The following MYZAP variants were observed in gnomAD, a reference collection of about 807,000 sequenced individuals.
MYZAP encodes the protein GRINL1A complex locus upstream.
Under a neutral mutation model 69.4 loss-of-function variants are expected in MYZAP, and 66 were observed. The ratio of observed to expected loss-of-function variants is 0.95; its 90% CI spans 0.78 to 1.17. The LOEUF is 1.17. MYZAP is among the 50% of genes most tolerant of loss of function. The probability of loss-of-function intolerance (pLI) is 0.00; values close to 1 mark genes in which losing one functional copy is unlikely to be tolerated. For synonymous variants in MYZAP, 256 were observed against 205.9 expected (o/e 1.24, Z -2.09); for missense variants, 611 against 556.2 (o/e 1.10, Z -0.99).
At position 57,683,582 on chromosome 15, in the gene MYZAP, G is replaced by A. The variant is rs970389842; in HGVS notation, c.1305-820G>A. 3.9e-5 allele frequency among the ~76,000 whole-genome samples: 6 copies of A among 151,976 alleles called. No homozygotes were observed. In the East Asian group the frequency reaches 7.7e-4, roughly 20 times the overall value. On this transcript the variant is annotated intron_variant, in intron 12 of 12. Transcript: ENST00000267853. ...ATAACTTTTTTATTTTTAACCTGTC[G>A]TAGTCTGTTCTGGCTGCCATAACAA...
intron 10 of MYZAP, among the ~76,000 whole-genome samples, chr15:57,655,766 C>T (rs2037981891): frequency 6.6e-6 from 1 of 152,188 alleles, no homozygotes; most frequent in African/African-American, 2.4e-5. Context: ...GAAACATACT[C>T]ATCAAAAGAA....
chr15:57,621,195 C>G (rs1215892707), intron 3 of MYZAP, among the ~76,000 whole-genome samples: 2 of 132,946 alleles, frequency 1.5e-5, no homozygotes, highest in Non-Finnish European at 3.2e-5. Flanking sequence ...TGGGGTCCTT[C>G]TTTCTTTTTC....
intron 2 of MYZAP, among the ~76,000 whole-genome samples, chr15:57,606,092 A>G (rs2034729746): frequency 6.6e-6 from 1 of 152,190 alleles, no homozygotes; most frequent in Non-Finnish European, 1.5e-5. Context: ...TCATCAATAG[A>G]TGCAAAAATA....
rs144667495 is a variant in MYZAP, at chr15:57,633,731, G to T, written c.923G>T (p.Arg308Leu). ...RIGELDRLIE[R>L]MEKERHQLQL... ...GGGGAGCTGGACAGGCTGATTGAGCGCATGGAAAAGGTAGGACACAGCGTT... is the reference window on the plus strand; with the variant it reads ...GGGGAGCTGGACAGGCTGATTGAGCTCATGGAAAAGGTAGGACACAGCGTT... Residue 308 changes from arginine (R) to leucine (L), a missense_variant, in exon 8 of 13, where the codon CGC becomes CTC. By Grantham distance (102) the Arg-to-Leu change is moderately radical. Transcript: ENST00000267853. 2 of 1,606,302 alleles carry T rather than the reference G, an allele frequency of 1.2e-6. No individual in the cohort carries two copies. Among genetic ancestry groups the T allele is most frequent in the Non-Finnish European group, 1.7e-6 (2 of 1,176,388 alleles).
intron 11 of MYZAP, among the ~76,000 whole-genome samples, chr15:57,674,256 C>T (rs545213014): frequency 8.8e-4 from 134 of 151,924 alleles, no homozygotes; most frequent in Non-Finnish European, 1.3e-3. Context: ...CTTCTTTGTC[C>T]TTCATTTCCC....
intron 2 of MYZAP, among the ~76,000 whole-genome samples, chr15:57,614,474 A>G (rs1245635064): frequency 6.6e-6 from 1 of 152,226 alleles, no homozygotes; most frequent in Non-Finnish European, 1.5e-5. Context: ...GGGTCAGGAA[A>G]GGCGTTCTTG....
rs1319616605 is a variant in MYZAP at position 57,637,702 on chromosome 15, A to T, written c.941A>T (p.His314Leu). The T allele has an allele frequency of 6.2e-7, 1 of 1,612,822 alleles. No individual in the cohort carries two copies. Among genetic ancestry groups the T allele is most frequent in the Admixed American group, 1.7e-5 (1 of 59,964 alleles). Residue 314 changes from histidine (H) to leucine (L), a missense_variant, in exon 9 of 13, where the codon CAT (histidine) becomes CTT (leucine). Transcript: ENST00000267853. ...AGTTTCTGTTTGTTTTAGGAACGTC[A>T]TCAACTGCAACTTCAACTCCTAGAA... ...RLIERMEKER[H>L]QLQLQLLEHE...
chr15:57,593,214 A>ACACACACACACACACACACACC lies in MYZAP; in HGVS notation c.75+1106_75+1107insACACACACACACACACACACCC, dbSNP rs1172761785. Among the ~76,000 whole-genome samples, 1,074 of 141,400 alleles carry ACACACACACACACACACACACC rather than the reference A, an allele frequency of 7.6e-3. 14 individuals are homozygous for ACACACACACACACACACACACC. The highest frequency in any genetic ancestry group is 0.019 in the Middle Eastern group (5 of 268). 92.8% of individuals were successfully genotyped at this position (141,400 alleles called of 152,430 possible). A position where few individuals can be genotyped will look rare whatever the true frequency, so the allele number is the denominator to read the frequency against. ...CACACACACACACACACACACACAC[A>ACACACACACACACACACACACC]CCCCAGAATCCATCAGTTGGCTCAT... On this transcript the variant is annotated intron_variant, in intron 1 of 12. Transcript: ENST00000267853.
rs188331109 is a variant in MYZAP, at chr15:57,671,753, T to C, written c.1204-3215T>C. On this transcript the variant is annotated intron_variant, in intron 11 of 12. Transcript: ENST00000267853. ...TTAGTTCTTTTTTGTATTTTCTATT[T>C]TTTTTACTACTTCATTAATTGTAAG... Among the ~76,000 whole-genome samples, 109 of 152,342 alleles carry C rather than the reference T, an allele frequency of 7.2e-4. No homozygotes were observed. The East Asian group carries it at 0.02, about 28-fold the overall frequency.
chr15:57,685,329 T>G lies in MYZAP; in HGVS notation c.*831T>G, dbSNP rs1363379865. ...CTTTGATATTATAACCTATGTCACA[T>G]GTGTTTAATAAATACCATATATTTT... is the stretch of plus-strand genomic sequence containing the variant. On this transcript the variant is annotated 3_prime_UTR_variant, in exon 13 of 13. Coordinates refer to ENST00000267853, the MANE Select transcript of MYZAP (RefSeq NM_001018100.5). 6.6e-6 allele frequency: 1 copy of G among 152,244 alleles called. No individual in the cohort carries two copies. The highest frequency in any genetic ancestry group is 6.5e-5 in the Admixed American group (1 of 15,288). The allele number at this position is 152,244 out of a possible 1,614,324, so 9.4% of individuals were successfully genotyped here.
intron 2 of MYZAP, among the ~76,000 whole-genome samples, chr15:57,606,787 A>G (rs1388481987): frequency 6.6e-6 from 1 of 152,224 alleles, no homozygotes; most frequent in Non-Finnish European, 1.5e-5. Flanking sequence ...TATATGAACT[A>G]TATATTACAT....
chr15:57,626,992 T>C (rs1228835463), intron 5 of MYZAP, among the ~76,000 whole-genome samples: 1 of 151,390 alleles, frequency 6.6e-6, no homozygotes, highest in Non-Finnish European at 1.5e-5. Context: ...CAGCAGCCTT[T>C]GTTTTCCCTT....
At chr15:57,674,893 A>T in intron 11 of MYZAP, 75 bp from the exon 12 acceptor site, 1 of 1,293,026 alleles carries the variant, frequency 7.7e-7, no homozygotes, top group East Asian at 2.3e-5. Context: ...CAGATAATAC[A>T]TATAAATTGT....
intron 10 of MYZAP, chr15:57,646,611 T>C: frequency 1.0e-6 from 1 of 999,432 alleles, no homozygotes; most frequent in Non-Finnish European, 1.2e-6. Context: ...AGAATGTTAG[T>C]GCTCTGGGAA....
chr15:57,613,527 C>G (rs1343646684), intron 2 of MYZAP, among the ~76,000 whole-genome samples: 1 of 152,054 alleles, frequency 6.6e-6, no homozygotes, highest in Non-Finnish European at 1.5e-5. Context: ...CACACCACCA[C>G]ATCAAGCTAA....
intron 8 of MYZAP, among the ~76,000 whole-genome samples, chr15:57,635,485 A>G (rs1267563504): frequency 6.6e-6 from 1 of 152,158 alleles, no homozygotes; most frequent in Non-Finnish European, 1.5e-5. Context: ...ATGTGGGATG[A>G]ATGGGTAGAG....
intron 12 of MYZAP, among the ~76,000 whole-genome samples, chr15:57,682,384 A>C (rs184478586): frequency 4.8e-4 from 73 of 152,292 alleles, no homozygotes; most frequent in Middle Eastern, 6.8e-3. Flanking sequence ...AGGAGAAAAA[A>C]GAAATGGGAT....
intron 12 of MYZAP, among the ~76,000 whole-genome samples, chr15:57,681,271 T>C (rs2039425402): frequency 6.6e-6 from 1 of 152,166 alleles, no homozygotes; most frequent in African/African-American, 2.4e-5. Flanking sequence ...GATCACCAGG[T>C]CCCATGGATT....
intron 10 of MYZAP, among the ~76,000 whole-genome samples, chr15:57,649,926 C>A (rs1304823376): frequency 6.6e-6 from 1 of 152,078 alleles, no homozygotes; most frequent in African/African-American, 2.4e-5. Flanking sequence ...TGTCTGTTAC[C>A]TGTTTCCTTC....
Sources: allele counts gnomAD v4.1 joint callset (sites outside exome capture counted in the v4.1 genomes callset), GRCh38; gene constraint gnomAD v4.1.1; transcripts MANE v1.5; gene names NCBI Gene and HGNC (gene_info 2026-07-23, HGNC 2026-07-21).